The following MAF variants were observed in gnomAD, a reference collection of about 807,000 sequenced individuals.
MAF encodes MAF bZIP transcription factor, also known as transcription factor Maf.
In MAF, 10 loss-of-function variants were observed where a neutral mutation model predicts 22.0. That is an observed-to-expected ratio of 0.45 (90% confidence interval 0.28 to 0.77). MAF has a LOEUF of 0.77. Among genes scored for constraint, MAF ranks in the 30% least tolerant of loss-of-function variants. The pLI is 0.12. For synonymous variants in MAF, 337 were observed against 255.8 expected, an observed-to-expected ratio of 1.32 and a Z score of -3.03; for missense variants, 544 against 548.4, an observed-to-expected ratio of 0.99 and a Z score of 0.08.
the MAF span, among the ~76,000 whole-genome samples, chr16:79,254,382 TCC>T: frequency 2.0e-5 from 3 of 152,186 alleles, no homozygotes; most frequent in African/African-American, 7.2e-5. Context: ...TTCATATTAT[TCC>T]ATCCAAGGAT....
the MAF span, among the ~76,000 whole-genome samples, chr16:79,480,983 C>A: frequency 6.6e-6 from 1 of 152,278 alleles, no homozygotes; most frequent in African/African-American, 2.4e-5. Flanking sequence ...CCCCCAACTC[C>A]ACGTCCCCTC....
chr16:79,351,677 C>T, the MAF span, among the ~76,000 whole-genome samples: 4 of 151,796 alleles, frequency 2.6e-5, no homozygotes, highest in Admixed American at 1.3e-4. Flanking sequence ...GTATCCAAGG[C>T]CACTAGTTTC....
At chr16:79,544,132 G>GC in the MAF span, among the ~76,000 whole-genome samples, 1 of 152,116 alleles carries the variant, frequency 6.6e-6, no homozygotes, top group African/African-American at 2.4e-5. Context: ...GTCAACCGTG[G>GC]GGGGGAAAGT....
At chr16:79,551,906 G>A in the MAF span, among the ~76,000 whole-genome samples, 2 of 152,008 alleles carry the variant, frequency 1.3e-5, no homozygotes, top group Non-Finnish European at 2.9e-5. Flanking sequence ...GAAATTTCCT[G>A]CCAATCCCTG....
chr16:79,238,553 T>C, the MAF span, among the ~76,000 whole-genome samples: 1 of 152,034 alleles, frequency 6.6e-6, no homozygotes, highest in Non-Finnish European at 1.5e-5. Context: ...CTGTCACATC[T>C]GAAGCCTAAA....
the MAF span, among the ~76,000 whole-genome samples, chr16:79,533,313 A>G: frequency 6.6e-6 from 1 of 152,206 alleles, no homozygotes; most frequent in African/African-American, 2.4e-5. Context: ...TCCAAGGGTC[A>G]GTCAGAAGAG....
At chr16:79,595,290 C>T (rs1913449998) in intron 1 of MAF, 1 of 1,049,362 alleles carries the variant, frequency 9.5e-7, no homozygotes. Context: ...AGGTTACACA[C>T]TGTCTTCGTG....
the MAF span, among the ~76,000 whole-genome samples, chr16:79,463,451 A>G: frequency 6.6e-6 from 1 of 152,224 alleles, no homozygotes. Context: ...TTTGATTTTA[A>G]AATTCCATGT....
chr16:79,301,156 C>A, the MAF span, among the ~76,000 whole-genome samples: 186 of 152,224 alleles, frequency 1.2e-3, 3 homozygotes, highest in South Asian at 0.034. Flanking sequence ...CAAGTCGGGT[C>A]CTCAGGAGAA....
the MAF span, among the ~76,000 whole-genome samples, chr16:79,271,025 C>A: frequency 6.6e-6 from 1 of 151,930 alleles, no homozygotes; most frequent in African/African-American, 2.4e-5. Flanking sequence ...CTCAGCCTCC[C>A]GAGTAGCTGG....
At chr16:79,470,337 A>T in the MAF span, among the ~76,000 whole-genome samples, 60 of 152,272 alleles carry the variant, frequency 3.9e-4, no homozygotes, top group African/African-American at 1.3e-3. Context: ...GGATGGGTCC[A>T]GGGCAGGTCA....
At chr16:79,261,798 T>C in the MAF span, among the ~76,000 whole-genome samples, 7 of 152,286 alleles carry the variant, frequency 4.6e-5, no homozygotes, top group Middle Eastern at 3.4e-3. Flanking sequence ...GACAATTTCA[T>C]TGACACTCCC....
chr16:79,384,704 C>T, the MAF span, among the ~76,000 whole-genome samples: 7 of 152,006 alleles, frequency 4.6e-5, no homozygotes, highest in African/African-American at 1.7e-4. Context: ...TTGCAGTGAG[C>T]CAAGACCACG....
the MAF span, among the ~76,000 whole-genome samples, chr16:79,518,649 C>T: frequency 1.9e-4 from 29 of 152,284 alleles, no homozygotes; most frequent in East Asian, 5.0e-3. Flanking sequence ...GTAAAGTTAT[C>T]GTGAGGATAA....
At chr16:79,417,562 G>A in the MAF span, among the ~76,000 whole-genome samples, 3 of 152,256 alleles carry the variant, frequency 2.0e-5, no homozygotes, top group African/African-American at 7.2e-5. Flanking sequence ...TCATGGGAAA[G>A]GGGACAGACA....
At chr16:79,221,160 C>A in the MAF span, among the ~76,000 whole-genome samples, 3 of 152,204 alleles carry the variant, frequency 2.0e-5, no homozygotes, top group Non-Finnish European at 4.4e-5. Context: ...GTTCAGAATT[C>A]TTTGCCTGGT....
At chr16:79,205,845 C>G in the MAF span, 2 of 152,114 alleles carry the variant, frequency 1.3e-5, no homozygotes, top group East Asian at 1.9e-4. Context: ...CTCTGCAAAC[C>G]TGATGAAACA....
chr16:79,219,576 A>C, the MAF span, among the ~76,000 whole-genome samples: 1 of 125,044 alleles, frequency 8.0e-6, no homozygotes, highest in African/African-American at 3.0e-5. Flanking sequence ...AAAAAAAAAA[A>C]GACTCACAGC....
At chr16:79,488,048 C>G in the MAF span, among the ~76,000 whole-genome samples, 6 of 152,278 alleles carry the variant, frequency 3.9e-5, no homozygotes, top group South Asian at 1.2e-3. Context: ...CATCAAGCAT[C>G]GAAAAGTAGA....
Sources: allele counts gnomAD v4.1 joint callset (sites outside exome capture counted in the v4.1 genomes callset), GRCh38; gene constraint gnomAD v4.1.1; transcripts MANE v1.5; gene names NCBI Gene and HGNC (gene_info 2026-07-23, HGNC 2026-07-21).